Variants in ACSM4 observed in about 807,000 individuals in gnomAD.
ACSM4 encodes the protein acyl-coenzyme A synthetase ACSM4, mitochondrial.
ACSM4 carries 66 observed loss-of-function variants against 73.0 expected under a neutral mutation model. The observed-to-expected ratio is 0.90, with a 90% CI of 0.74 to 1.11. The LOEUF (loss-of-function observed/expected upper bound fraction) is 1.11, where lower values mean the gene tolerates loss of function less well. Ranked by LOEUF, ACSM4 falls within the 50% of genes least tolerant of loss-of-function variation. The pLI, the probability that ACSM4 is intolerant of heterozygous loss-of-function variation, is 0.00. For missense variants in ACSM4, 645 were observed against 714.4 expected (o/e 0.90, Z 1.11); for synonymous variants, 222 against 254.0 (o/e 0.87, Z 1.20).
chr12:7,324,544 T>C lies in ACSM4; in HGVS notation c.1482T>C (p.His494=), dbSNP rs760565674. 1 of 1,613,860 alleles carries C rather than the reference T, an allele frequency of 6.2e-7. No individual in the cohort carries two copies. Among genetic ancestry groups the C allele is most frequent in the Non-Finnish European group, 8.5e-7 (1 of 1,179,880 alleles). Residue 494 remains histidine, a synonymous_variant, in exon 11 of 13, where the codon CAT becomes CAC. Coordinates refer to ENST00000399422, the MANE Select transcript of ACSM4 (RefSeq NM_001080454.2). ...PFEVESALIE[H]PAVVESAVVS... ...AAGTGGAGAGTGCACTCATTGAGCA[T>C]CCAGCAGTTGTTGAATCGGCTGTTG...
chr12:7,317,656 T>C (rs1309878980), intron 4 of ACSM4, among the ~76,000 whole-genome samples: 2 of 152,224 alleles, frequency 1.3e-5, no homozygotes, highest in Non-Finnish European at 2.9e-5. Flanking sequence ...ATTAATGTAC[T>C]TAACTCACTT....
rs1946385141 is a variant in ACSM4, at chr12:7,310,641, C to T, written c.515C>T (p.Ala172Val). Residue 172 changes from alanine to valine, a missense_variant, in exon 3 of 13, where the codon GCC becomes GTC. Coordinates refer to ENST00000399422, the MANE Select transcript of ACSM4 (RefSeq NM_001080454.2). ...AKCIVASEEV[A>V]PAVESIVLEC... Reference sequence around the variant, plus strand: ...TGCATTGTGGCCAGTGAGGAGGTGGCCCCAGCGGTGGAGTCCATTGTATTG... The same window carrying T: ...TGCATTGTGGCCAGTGAGGAGGTGGTCCCAGCGGTGGAGTCCATTGTATTG... 1.6e-5 allele frequency: 26 copies of T among 1,613,182 alleles called. No individual in the cohort carries two copies. Among genetic ancestry groups the T allele is most frequent in the East Asian group, 2.2e-5 (1 of 44,802 alleles).
At chr12:7,311,680 T>TTTGTTGTTG (rs1000182068) in intron 3 of ACSM4, among the ~76,000 whole-genome samples, 1 of 152,080 alleles carries the variant, frequency 6.6e-6, no homozygotes, top group Non-Finnish European at 1.5e-5. Context: ...TGCCACCTTT[T>TTTGTTGTTG]TTGTTGTTGT....
At chr12:7,310,772 C>A in intron 3 of ACSM4, 26 bp downstream of exon 3, 1 of 1,595,004 alleles carries the variant, frequency 6.3e-7, no homozygotes, top group Middle Eastern at 1.7e-4. Context: ...AGCCAATCTA[C>A]ACTGCTGGCA....
Position 7,310,519 on chromosome 12 carries a change from G to A in ACSM4, c.413-20G>A, listed in dbSNP as rs1300326132. On this transcript the variant is annotated intron_variant, in intron 2 of 12. Coordinates refer to ENST00000399422, the MANE Select transcript of ACSM4 (RefSeq NM_001080454.2). ...ATGGACAGCAGTTCTGTTCAGTGCA[G>A]GGCCCTCTGTCCTTCCCAGGGATCA... 6.3e-7 allele frequency: 1 copy of A among 1,587,556 alleles called. No homozygotes were observed. Among genetic ancestry groups the A allele is most frequent in the African/African-American group, 1.3e-5 (1 of 74,354 alleles).
At chr12:7,305,688 A>C (rs760036925) in intron 1 of ACSM4, among the ~76,000 whole-genome samples, 5 of 152,358 alleles carry the variant, frequency 3.3e-5, no homozygotes, top group African/African-American at 1.2e-4. Context: ...AGTCATCTGG[A>C]GTATGAGCAC....
At chr12:7,317,033 C>T in intron 3 of ACSM4, 104 bp from the exon 4 acceptor site, 1 of 1,382,584 alleles carries the variant, frequency 7.2e-7, no homozygotes, top group Non-Finnish European at 9.7e-7. Flanking sequence ...GTTCTGTTAA[C>T]TATCTTCTGG....
intron 3 of ACSM4, among the ~76,000 whole-genome samples, chr12:7,314,113 C>A (rs991587888): frequency 2.6e-5 from 4 of 152,118 alleles, no homozygotes; most frequent in African/African-American, 7.2e-5. Context: ...ACAAACTAAA[C>A]AACTAGCAGG....
intron 2 of ACSM4, among the ~76,000 whole-genome samples, chr12:7,308,137 G>A (rs764521202): frequency 6.6e-6 from 1 of 152,200 alleles, no homozygotes; most frequent in African/African-American, 2.4e-5. Context: ...TAATGCTGTT[G>A]AAGATGATCT....
At position 7,317,275 on chromosome 12, in the gene ACSM4, C is replaced by G; in HGVS notation, c.759C>G (p.Cys253Trp). The part of the protein sequence containing the change: ...QSSLGIGFTL[C>W]GRYWLDLKSS... Reference sequence around the variant, plus strand: ...GCCTCGGCATTGGGTTCACCCTCTGCGGAAGGTAGGGAAGAAAATTCAGTT... The same window carrying G: ...GCCTCGGCATTGGGTTCACCCTCTGGGGAAGGTAGGGAAGAAAATTCAGTT... Residue 253 changes from cysteine (C) to tryptophan (W), a missense_variant, in exon 4 of 13, where the codon TGC (cysteine) becomes TGG (tryptophan). Transcript: ENST00000399422. The G allele has an allele frequency of 1.3e-6, 2 of 1,562,116 alleles. No individual in the cohort carries two copies. Among genetic ancestry groups the G allele is most frequent in the Non-Finnish European group, 1.7e-6 (2 of 1,153,922 alleles).
At chr12:7,310,775 T>G (rs1045571285) in intron 3 of ACSM4, 29 bp downstream of exon 3, 10 of 1,592,008 alleles carry the variant, frequency 6.3e-6, no homozygotes, top group Non-Finnish European at 8.6e-6. Flanking sequence ...CAATCTACAC[T>G]GCTGGCAACA....
chr12:7,319,161 A>C (rs996657860), intron 5 of ACSM4, among the ~76,000 whole-genome samples: 1 of 152,222 alleles, frequency 6.6e-6, no homozygotes, highest in Non-Finnish European at 1.5e-5. Context: ...GTGACAGATC[A>C]TCAGGCATTA....
At chr12:7,312,213 C>T (rs936089586) in intron 3 of ACSM4, among the ~76,000 whole-genome samples, 2 of 152,144 alleles carry the variant, frequency 1.3e-5, no homozygotes, top group African/African-American at 4.8e-5. Context: ...TTCCTGTCTC[C>T]AGTTCCTAAC....
At chr12:7,314,621 TAGATAGAC>T (rs1946408720) in intron 3 of ACSM4, among the ~76,000 whole-genome samples, 2 of 152,262 alleles carry the variant, frequency 1.3e-5, no homozygotes, top group South Asian at 2.1e-4. Context: ...GATAGATAGA[TAGATAGAC>T]AGATAGATAG....
chr12:7,314,234 G>T (rs1397188163), intron 3 of ACSM4, among the ~76,000 whole-genome samples: 1 of 152,184 alleles, frequency 6.6e-6, no homozygotes, highest in African/African-American at 2.4e-5. Context: ...AGAGCCAGTA[G>T]ATGAGGTTAA....
chr12:7,306,577 C>T lies in ACSM4; in HGVS notation c.246C>T (p.Gly82=). The T allele has an allele frequency of 1.2e-6, 2 of 1,601,830 alleles. No individual in the cohort carries two copies. Among genetic ancestry groups the T allele is most frequent in the South Asian group, 2.3e-5 (2 of 88,668 alleles). ...ACCCAGCCCTGTGGTGGGTGAATGG[C>T]AAAGGGGATGAGGTAAAATGGAGCT... ...PANPALWWVN[G]KGDEVKWSFR... The change falls in exon 2 of 13, where the codon GGC becomes GGT. Residue 82 remains glycine, a synonymous_variant. Coordinates refer to ENST00000399422, the MANE Select transcript of ACSM4 (RefSeq NM_001080454.2).
intron 1 of ACSM4, among the ~76,000 whole-genome samples, chr12:7,304,823 G>C (rs755376730): frequency 6.6e-6 from 1 of 152,178 alleles, no homozygotes; most frequent in African/African-American, 2.4e-5. Context: ...ACAGTGCTTT[G>C]TTTTCAAGTT....
Position 7,323,254 on chromosome 12 carries a change from G to A in ACSM4, c.1146G>A (p.Gln382=). The stretch of plus-strand genomic sequence containing the variant: ...AATAGGGAATGATTTGTGCCAATCA[G>A]AAAGGCCAAGAAATTAAACCAGGTT... The part of the protein sequence containing the change: ...QTEVGMICAN[Q]KGQEIKPGSM... Residue 382 remains glutamine, a synonymous_variant, in exon 8 of 13, where the codon CAG becomes CAA. Transcript: ENST00000399422. 1 of 1,609,762 alleles carries A rather than the reference G, an allele frequency of 6.2e-7. No individual in the cohort carries two copies. Among genetic ancestry groups the A allele is most frequent in the Non-Finnish European group, 8.5e-7 (1 of 1,178,156 alleles).
chr12:7,325,547 T>C (rs188811572), intron 11 of ACSM4, among the ~76,000 whole-genome samples: 2 of 152,262 alleles, frequency 1.3e-5, no homozygotes, highest in Non-Finnish European at 2.9e-5. Flanking sequence ...CTTAGGAGGC[T>C]GAGGCAGGAG....
Sources: allele counts gnomAD v4.1 joint callset (sites outside exome capture counted in the v4.1 genomes callset), GRCh38; gene constraint gnomAD v4.1.1; transcripts MANE v1.5; gene names NCBI Gene and HGNC (gene_info 2026-07-23, HGNC 2026-07-21).